Variants in CFB observed in about 807,000 individuals in gnomAD.
CFB encodes complement factor B.
In CFB, 59 loss-of-function variants were observed where a neutral mutation model predicts 97.2. That is an observed-to-expected ratio of 0.61 (90% CI 0.49 to 0.75). The LOEUF (loss-of-function observed/expected upper bound fraction) is 0.75. Among genes scored for constraint, CFB ranks in the 30% least tolerant of loss-of-function variants. The probability of loss-of-function intolerance (pLI) is 0.00; values close to 1 mark genes in which losing one functional copy is unlikely to be tolerated. For synonymous variants in CFB, 316 were observed against 351.7 expected (o/e 0.90, Z 1.14); for missense variants, 771 against 959.8 (o/e 0.80, Z 2.60).
chr6:31,950,162 C>T lies in CFB; in HGVS notation c.1506+15C>T. 1.9e-6 allele frequency: 3 copies of T among 1,612,638 alleles called. No homozygotes were observed. Among genetic ancestry groups the T allele is most frequent in the Non-Finnish European group, 2.5e-6 (3 of 1,179,738 alleles). ...TCTCAGTCATTGTAAGCACAGAATC[C>T]CAGTAGTGGGGACTTGGGGGAGGTG... is the stretch of plus-strand genomic sequence containing the variant. On this transcript the variant is annotated intron_variant, in intron 11 of 17. Transcript: ENST00000425368.
Position 31,951,818 on chromosome 6 carries a change from T to C in CFB, c.2140-57T>C. The C allele has an allele frequency of 6.2e-7, 1 of 1,612,430 alleles. No individual in the cohort carries two copies. The highest frequency in any genetic ancestry group is 8.5e-7 in the Non-Finnish European group (1 of 1,179,438). On this transcript the variant is annotated intron_variant, in intron 17 of 17. Coordinates refer to ENST00000425368, the MANE Select transcript of CFB (RefSeq NM_001710.6). This position sits in a 1 kb window ranked among gnomAD's most constrained non-coding sequence, Gnocchi z 4.3. ...GCTAAGACACAAGCAGGAACAGCCA[T>C]GCTTCCAGGATTAGGAATTCTACTG... is the stretch of plus-strand genomic sequence containing the variant.
chr6:31,946,960 G>A lies in CFB; in HGVS notation c.299-47G>A, dbSNP rs1166047043. ...CGAGACCAGGAGGGATACACCTAAG[G>A]CAGCCTTTCCCTCTTGATGACTTCT... On this transcript the variant is annotated intron_variant, in intron 2 of 17. Coordinates refer to ENST00000425368, the MANE Select transcript of CFB (RefSeq NM_001710.6). The surrounding 1 kb of genome is among the most constrained non-coding windows in gnomAD (Gnocchi z 6.4). 1 of 1,597,108 alleles carries A rather than the reference G, an allele frequency of 6.3e-7. No individual in the cohort carries two copies. The highest frequency in any genetic ancestry group is 8.6e-7 in the Non-Finnish European group (1 of 1,165,680).
rs1252588266 is a variant in CFB, at chr6:31,946,394, C to G, written c.86C>G (p.Ser29Cys). Residue 29 changes from serine (S) to cysteine (C), a missense_variant, in exon 2 of 18, where the codon TCT becomes TGT. By Grantham distance (112) the Ser-to-Cys change is moderately radical (BLOSUM62 -1). Coordinates refer to ENST00000425368, the MANE Select transcript of CFB (RefSeq NM_001710.6). The surrounding 1 kb of genome is among the most constrained non-coding windows in gnomAD (Gnocchi z 6.4). ...TCAGGTGTGACCACCACTCCATGGT[C>G]TTTGGCCCGGCCCCAGGGATCCTGC... Reference protein sequence around the residue: ...LSGGVTTTPWSLARPQGSCSL... With the variant: ...LSGGVTTTPWCLARPQGSCSL... 6.2e-7 allele frequency: 1 copy of G among 1,613,082 alleles called. No homozygotes were observed. The highest frequency in any genetic ancestry group is 1.3e-5 in the African/African-American group (1 of 75,056).
Position 31,947,291 on chromosome 6 carries a change from C to A in CFB, c.485-57C>A. On this transcript the variant is annotated intron_variant, in intron 3 of 17. Transcript: ENST00000425368. This position sits in a 1 kb window ranked among gnomAD's most constrained non-coding sequence, Gnocchi z 5.3. The stretch of plus-strand genomic sequence containing the variant: ...CGGACACTGTAACTCTTGCTCTCTA[C>A]CTTGCTCACGGGGCCTCAGGCTTCA... 6.2e-7 allele frequency: 1 copy of A among 1,611,902 alleles called. No individual in the cohort carries two copies. The highest frequency in any genetic ancestry group is 8.5e-7 in the Non-Finnish European group (1 of 1,179,656).
At position 31,946,124 on chromosome 6, in the gene CFB, G is replaced by C; in HGVS notation, c.-98G>C. 8.1e-7 allele frequency: 1 copy of C among 1,227,386 alleles called. No individual in the cohort carries two copies. Among genetic ancestry groups the C allele is most frequent in the Non-Finnish European group, 1.2e-6 (1 of 830,260 alleles). 76.0% of individuals were successfully genotyped at this position (1,227,386 alleles called of 1,614,324 possible). A position where few individuals can be genotyped will look rare whatever the true frequency, so the allele number is the denominator to read the frequency against. Reference sequence around the variant, plus strand: ...AGGGAATGTGACCAGGTCTAGGTCTGGAGTTTCAGCTTGGACACTGAGCCA... The same window carrying C: ...AGGGAATGTGACCAGGTCTAGGTCTCGAGTTTCAGCTTGGACACTGAGCCA... On this transcript the variant is annotated 5_prime_UTR_variant, in exon 1 of 18. Coordinates refer to ENST00000425368, the MANE Select transcript of CFB (RefSeq NM_001710.6). The surrounding 1 kb of genome is among the most constrained non-coding windows in gnomAD (Gnocchi z 6.4).
chr6:31,948,097 CCCTG>C lies in CFB; in HGVS notation c.897+17_897+20del, dbSNP rs753616773. On this transcript the variant is annotated intron_variant, in intron 6 of 17. Coordinates refer to ENST00000425368, the MANE Select transcript of CFB (RefSeq NM_001710.6). ...AATTGAGAAGGTGGAATCCTCCTATCCCTGAACTCGGGGGAATGGAATCTCGCTG... is the reference window on the plus strand; with the variant it reads ...AATTGAGAAGGTGGAATCCTCCTATCAACTCGGGGGAATGGAATCTCGCTG... 1.7e-3 allele frequency: 2,717 copies of C among 1,613,716 alleles called. 11 individuals are homozygous for C. The highest frequency in any genetic ancestry group is 0.01 in the Middle Eastern group (61 of 5,908).
At position 31,947,713 on chromosome 6, in the gene CFB, A is replaced by C. The variant is rs957434003; in HGVS notation, c.659-29A>C. ...GTCACTGTATCCCTGACACTCCCAG[A>C]CATTTGACCTCATTTCTGACTCTCC... On this transcript the variant is annotated intron_variant, in intron 4 of 17. Coordinates refer to ENST00000425368, the MANE Select transcript of CFB (RefSeq NM_001710.6). This position sits in a 1 kb window ranked among gnomAD's most constrained non-coding sequence, Gnocchi z 5.3. 1 of 1,610,050 alleles carries C rather than the reference A, an allele frequency of 6.2e-7. No individual in the cohort carries two copies. Among genetic ancestry groups the C allele is most frequent in the Non-Finnish European group, 8.5e-7 (1 of 1,177,414 alleles).
rs771573562 is a variant in CFB, at chr6:31,949,550, A to T, written c.1401A>T (p.Gln467His). The change falls in exon 10 of 18, where the codon CAA (glutamine) becomes CAT (histidine). Residue 467 changes from glutamine (Q) to histidine (H), a missense_variant. Coordinates refer to ENST00000425368, the MANE Select transcript of CFB (RefSeq NM_001710.6). ...AAAACCTGGAAGATGTTTTCTACCA[A>T]ATGATCGGTAGGGAGATACAAGGGA... ...DMENLEDVFYQMIDESQSLSL... is the reference protein window; with the variant it reads ...DMENLEDVFYHMIDESQSLSL... 12 of 1,613,004 alleles carry T rather than the reference A, an allele frequency of 7.4e-6. No homozygotes were observed. The Admixed American group carries it at 1.2e-4, about 16-fold the overall frequency.
At chr6:31,949,867 T>G (rs2151785765) in intron 10 of CFB, 183 bp from the exon 11 acceptor site, 1 of 730,698 alleles carries the variant, frequency 1.4e-6, no homozygotes, top group East Asian at 2.7e-5. Flanking sequence ...GACAGCTTGA[T>G]CCCAAGTTCT....
rs767166208 is a variant in CFB, at chr6:31,946,196, C to T, written c.-26C>T. The stretch of plus-strand genomic sequence containing the variant: ...AGGACACACCATCCTGCCCCAGGCC[C>T]AGCTTCTCTCCTGCCTTCCAACGCC... On this transcript the variant is annotated 5_prime_UTR_variant, in exon 1 of 18. Transcript: ENST00000425368. This position sits in a 1 kb window ranked among gnomAD's most constrained non-coding sequence, Gnocchi z 6.4. The T allele has an allele frequency of 1.2e-6, 2 of 1,612,796 alleles. No individual in the cohort carries two copies. Among genetic ancestry groups the T allele is most frequent in the Non-Finnish European group, 1.7e-6 (2 of 1,179,738 alleles).
chr6:31,947,640 C>G lies in CFB; in HGVS notation c.659-102C>G, dbSNP rs560681248. On this transcript the variant is annotated intron_variant, in intron 4 of 17. Transcript: ENST00000425368. This position sits in a 1 kb window ranked among gnomAD's most constrained non-coding sequence, Gnocchi z 5.3. Reference sequence around the variant, plus strand: ...TAAACCTCCCTGTACAACTATCTCACTTCTGAGCCTTTTATACCCTGGAAA... The same window carrying G: ...TAAACCTCCCTGTACAACTATCTCAGTTCTGAGCCTTTTATACCCTGGAAA... 28 of 1,574,810 alleles carry G rather than the reference C, an allele frequency of 1.8e-5. 1 individual carries two copies. The Admixed American group carries it at 4.3e-4, about 24-fold the overall frequency.
intron 7 of CFB, 151 bp from the exon 8 acceptor site, chr6:31,948,679 G>A (rs1213994830): frequency 1.3e-6 from 2 of 1,502,062 alleles, no homozygotes; most frequent in African/African-American, 2.8e-5. Flanking sequence ...TTGGGGGCTG[G>A]AAGGGCCACT....
rs745920524 is a variant in CFB, at chr6:31,950,630, C to A, written c.1636C>A (p.Arg546=). The change falls in exon 13 of 18, where the codon CGG becomes AGG. Residue 546 remains arginine, a synonymous_variant. Coordinates refer to ENST00000425368, the MANE Select transcript of CFB (RefSeq NM_001710.6). ...CTCTCCTACTTCAGGAGGGGAGAAG[C>A]GGGACCTGGAGATAGAAGTAGTCCT... ...SIKVSVGGEK[R]DLEIEVVLFH... The A allele has an allele frequency of 5.6e-6, 9 of 1,612,810 alleles. No homozygotes were observed. Among genetic ancestry groups the A allele is most frequent in the Non-Finnish European group, 7.6e-6 (9 of 1,180,024 alleles).
rs1291066881 is a variant in CFB, at chr6:31,946,283, G to A, written c.62G>A (p.Gly21Glu). The change falls in exon 1 of 18, where the codon GGA becomes GAA. Residue 21 changes from glycine to glutamate, a missense_variant and splice_region_variant. Gly to Glu is a moderately conservative substitution (Grantham distance 98, BLOSUM62 -2). Transcript: ENST00000425368. The surrounding 1 kb of genome is among the most constrained non-coding windows in gnomAD (Gnocchi z 6.4). ...LMPFILGLLSGGVTTTPWSLA... is the reference protein window; with the variant it reads ...LMPFILGLLSEGVTTTPWSLA... ...CCCTTTATCTTGGGCCTCTTGTCTG[G>A]AGGTAAGCGAGGGTAACCTTCCCTT... 2 of 1,612,952 alleles carry A rather than the reference G, an allele frequency of 1.2e-6. No homozygotes were observed. The highest frequency in any genetic ancestry group is 1.3e-5 in the African/African-American group (1 of 74,918).
chr6:31,946,684 A>T lies in CFB; in HGVS notation c.298+78A>T, dbSNP rs962596324. 6 of 1,352,806 alleles carry T rather than the reference A, an allele frequency of 4.4e-6. No individual in the cohort carries two copies. The highest frequency in any genetic ancestry group is 5.2e-6 in the Non-Finnish European group (5 of 970,226). The allele number at this position is 1,352,806 out of a possible 1,614,324, so 83.8% of individuals were successfully genotyped here. On this transcript the variant is annotated intron_variant, in intron 2 of 17. Transcript: ENST00000425368. The surrounding 1 kb of genome is among the most constrained non-coding windows in gnomAD (Gnocchi z 6.4). The stretch of plus-strand genomic sequence containing the variant: ...GCAGCAAGGTCAGGACTAGGATGAG[A>T]CTAGGCAGGGTGACAAGGTGGGCTG...
Position 31,947,535 on chromosome 6 carries a change from T to G in CFB, c.658+14T>G, listed in dbSNP as rs766852446. 6 of 1,612,734 alleles carry G rather than the reference T, an allele frequency of 3.7e-6. No individual in the cohort carries two copies. Among genetic ancestry groups the G allele is most frequent in the Non-Finnish European group, 5.1e-6 (6 of 1,180,000 alleles). ...CTTCCTGCCAAGGTGACCTTTGACC[T>G]GTACCCCCAGGTCAGATCCTGGTCT... is the stretch of plus-strand genomic sequence containing the variant. On this transcript the variant is annotated intron_variant, in intron 4 of 17. Transcript: ENST00000425368. This position sits in a 1 kb window ranked among gnomAD's most constrained non-coding sequence, Gnocchi z 5.3.
intron 12 of CFB, 26 bp downstream of exon 12, chr6:31,950,429 G>C: frequency 6.3e-7 from 1 of 1,598,320 alleles, no homozygotes; most frequent in South Asian, 1.1e-5. Flanking sequence ...AAGGTCCTGG[G>C]CTGCACCTAT....
chr6:31,948,129 C>T, intron 6 of CFB, 48 bp downstream of exon 6: 1 of 1,606,320 alleles, frequency 6.2e-7, no homozygotes, highest in Non-Finnish European at 8.5e-7. Context: ...TCTCGCTGAT[C>T]TTCCAGGACT....
In CFB at chr6:31,948,011, A is replaced by T. The variant is rs752696595; in HGVS notation, c.827A>T (p.Asp276Val). 6.2e-7 allele frequency: 1 copy of T among 1,614,186 alleles called. No homozygotes were observed. The highest frequency in any genetic ancestry group is 8.5e-7 in the Non-Finnish European group (1 of 1,180,014). The change falls in exon 6 of 18, where the codon GAT becomes GTT. Residue 276 changes from aspartate (D) to valine (V), a missense_variant. Transcript: ENST00000425368. ...SGSMNIYLVL[D>V]GSDSIGASNF... ...TCCATGAACATCTACCTGGTGCTAG[A>T]TGGATCAGACAGCATTGGGGCCAGC...
Sources: allele counts gnomAD v4.1 joint callset, GRCh38; gene constraint gnomAD v4.1.1; non-coding constraint Gnocchi (gnomAD v3.1); transcripts MANE v1.5; gene names NCBI Gene and HGNC (gene_info 2026-07-23, HGNC 2026-07-21).